Variants in COL4A1 observed in about 807,000 individuals in gnomAD.
The protein encoded by COL4A1 is collagen type IV alpha 1 chain.
In COL4A1, 40 loss-of-function variants were observed where a neutral mutation model predicts 216.6. That is an observed-to-expected ratio of 0.18 (90% CI 0.14 to 0.24). The LOEUF is 0.24. Among genes scored for constraint, COL4A1 ranks in the 10% least tolerant of loss-of-function variants. The probability of loss-of-function intolerance (pLI) is 1.00; values close to 1 mark genes in which losing one functional copy is unlikely to be tolerated. For missense variants in COL4A1, 1,628 were observed against 2,196.8 expected, an observed-to-expected ratio of 0.74 and a Z score of 5.18; for synonymous variants, 839 against 810.7, an observed-to-expected ratio of 1.03 and a Z score of -0.59.
chr13:110,283,408 G>A (rs747812246), intron 1 of COL4A1, among the ~76,000 whole-genome samples: 18 of 152,196 alleles, frequency 1.2e-4, no homozygotes, highest in Non-Finnish European at 2.4e-4. Context: ...AGATGAGAAT[G>A]TGAGCCGTGC....
intron 19 of COL4A1, 59 bp downstream of exon 19, chr13:110,201,379 G>A (rs1566370017): frequency 2.6e-6 from 3 of 1,164,988 alleles, no homozygotes; most frequent in Non-Finnish European, 3.6e-6. Flanking sequence ...GGAGGAGGAA[G>A]AGGAGGAGGA....
In COL4A1 at chr13:110,285,552, G is replaced by A. The variant is rs560735608; in HGVS notation, c.84+21392C>T. Among the ~76,000 whole-genome samples the A allele has an allele frequency of 2.9e-3, 449 of 152,274 alleles. 4 individuals are homozygous for A. Among genetic ancestry groups the A allele is most frequent in the African/African-American group, 0.011 (437 of 41,544 alleles). On this transcript the variant is annotated intron_variant, in intron 1 of 51. Coordinates refer to ENST00000375820, the MANE Select transcript of COL4A1 (RefSeq NM_001845.6). ...GGGATGCCCAGATATCTGGTGAAAC[G>A]GTATTTCTGGGTGGGTCTGTGAGGT...
chr13:110,272,938 G>A (rs1312384853), intron 1 of COL4A1, among the ~76,000 whole-genome samples: 1 of 152,204 alleles, frequency 6.6e-6, no homozygotes, highest in Non-Finnish European at 1.5e-5. Flanking sequence ...CTCTGTGCCA[G>A]ATATGCCCAA....
intron 15 of COL4A1, among the ~76,000 whole-genome samples, chr13:110,206,032 G>T (rs1324499947): frequency 6.6e-6 from 1 of 150,476 alleles, no homozygotes; most frequent in Non-Finnish European, 1.5e-5. Flanking sequence ...GAATAATTAT[G>T]AAACAGTTAC....
At chr13:110,191,564 A>G in intron 24 of COL4A1, 1 of 621,228 alleles carries the variant, frequency 1.6e-6, no homozygotes, top group Non-Finnish European at 2.8e-6. Context: ...ACAAACTACA[A>G]AAGCTAAGAA....
chr13:110,288,213 G>A (rs555950337), intron 1 of COL4A1, among the ~76,000 whole-genome samples: 7 of 151,074 alleles, frequency 4.6e-5, no homozygotes, highest in Admixed American at 6.6e-5. Flanking sequence ...GCAGTGAGCC[G>A]AGATCGTGCC....
intron 24 of COL4A1, among the ~76,000 whole-genome samples, chr13:110,190,183 T>C (rs1438547734): frequency 6.6e-6 from 1 of 152,032 alleles, no homozygotes; most frequent in Non-Finnish European, 1.5e-5. Flanking sequence ...AACAGTGACA[T>C]TGGTGACCCT....
chr13:110,274,136 G>T (rs1883350856), intron 1 of COL4A1, among the ~76,000 whole-genome samples: 1 of 152,056 alleles, frequency 6.6e-6, no homozygotes, highest in African/African-American at 2.4e-5. Flanking sequence ...AAATATTAAG[G>T]CCCTGTTCCC....
chr13:110,219,076 C>A (rs546072469), intron 2 of COL4A1, among the ~76,000 whole-genome samples: 1 of 152,126 alleles, frequency 6.6e-6, no homozygotes, highest in Admixed American at 6.5e-5. Flanking sequence ...GGGAAAGCTG[C>A]GGTGGGTGCC....
chr13:110,264,046 G>T (rs1443719379), intron 1 of COL4A1, among the ~76,000 whole-genome samples: 1 of 152,192 alleles, frequency 6.6e-6, no homozygotes, highest in African/African-American at 2.4e-5. Context: ...GGCTGCTGCG[G>T]CAGCTGTGCT....
chr13:110,190,151 C>T (rs137950633), intron 24 of COL4A1, among the ~76,000 whole-genome samples: 51 of 151,588 alleles, frequency 3.4e-4, no homozygotes, highest in African/African-American at 1.2e-3. Context: ...ATTCTATTTA[C>T]GGGAGAAATC....
rs757163211 is a variant in COL4A1, at chr13:110,192,893, G to A, written c.1402C>T (p.Leu468Phe). 28 of 1,614,030 alleles carry A rather than the reference G, an allele frequency of 1.7e-5. No individual in the cohort carries two copies. Among genetic ancestry groups the A allele is most frequent in the Admixed American group, 1.2e-4 (7 of 60,004 alleles). Residue 468 changes from leucine (L) to phenylalanine (F), a missense_variant, in exon 23 of 52, where the codon CTC becomes TTC. Coordinates refer to ENST00000375820, the MANE Select transcript of COL4A1 (RefSeq NM_001845.6). The part of the protein sequence containing the change: ...GEKGQKGESC[L>F]ICDIDGYRGP... ...CGATATCCGTCTATATCACAGATGAGGCAACTCTCTCCTTTTTGACCTAAA... is the reference window on the plus strand; with the variant it reads ...CGATATCCGTCTATATCACAGATGAAGCAACTCTCTCCTTTTTGACCTAAA...
intron 50 of COL4A1, among the ~76,000 whole-genome samples, chr13:110,153,662 T>C (rs1475530108): frequency 6.6e-6 from 1 of 152,262 alleles, no homozygotes; most frequent in Admixed American, 6.5e-5. Context: ...GATAAAGTAG[T>C]TACAATGCAG....
Position 110,164,926 on chromosome 13 carries a change from A to G in COL4A1, c.4086T>C (p.Pro1362=). 1 of 1,605,790 alleles carries G rather than the reference A, an allele frequency of 6.2e-7. No homozygotes were observed. Among genetic ancestry groups the G allele is most frequent in the Non-Finnish European group, 8.5e-7 (1 of 1,176,322 alleles). Residue 1362 remains proline, a synonymous_variant, in exon 46 of 52, where the codon CCT becomes CCC. Coordinates refer to ENST00000375820, the MANE Select transcript of COL4A1 (RefSeq NM_001845.6). ...TCAGCCCTGGGGGGCCCTCAGGACC[A>G]GGGAGCCCGGGCTCCCCTTTGATGA... ...YDIIKGEPGL[P]GPEGPPGLKG...
intron 2 of COL4A1, among the ~76,000 whole-genome samples, chr13:110,216,660 C>T (rs562977530): frequency 6.6e-6 from 1 of 152,324 alleles, no homozygotes; most frequent in South Asian, 2.1e-4. Flanking sequence ...ACAAGTTTCT[C>T]ACTGAGTCAG....
chr13:110,219,690 G>GTATATATATGTATA (rs770674866), intron 2 of COL4A1, among the ~76,000 whole-genome samples: 12 of 135,080 alleles, frequency 8.9e-5, no homozygotes, highest in South Asian at 2.2e-4. Flanking sequence ...GTATATATAT[G>GTATATATATGTATA]TATATATATG....
intron 2 of COL4A1, among the ~76,000 whole-genome samples, chr13:110,227,542 C>A (rs372548158): frequency 1.3e-5 from 2 of 152,064 alleles, no homozygotes; most frequent in African/African-American, 4.8e-5. Context: ...GGTTCCCACG[C>A]CCCCAGACCT....
intron 1 of COL4A1, among the ~76,000 whole-genome samples, chr13:110,290,139 G>A (rs1388298299): frequency 6.6e-6 from 1 of 152,246 alleles, no homozygotes; most frequent in African/African-American, 2.4e-5. Context: ...ACATGCTGCT[G>A]TGTAGGTTTT....
At position 110,208,937 on chromosome 13, in the gene COL4A1, T is replaced by G. The variant is rs750600083; in HGVS notation, c.652-47A>C. On this transcript the variant is annotated intron_variant, in intron 11 of 51. Transcript: ENST00000375820. ...CTCATTATTAGATTTGTCTACTTCG[T>G]TCAAAGTCATTCTACAAACCTCACA... 7.7e-6 allele frequency: 12 copies of G among 1,566,964 alleles called. No individual in the cohort carries two copies. In the African/African-American group the frequency reaches 1.6e-4, roughly 21 times the overall value.
Sources: allele counts gnomAD v4.1 joint callset (sites outside exome capture counted in the v4.1 genomes callset), GRCh38; gene constraint gnomAD v4.1.1; transcripts MANE v1.5; gene names NCBI Gene and HGNC (gene_info 2026-07-23, HGNC 2026-07-21).